The following ADAMTSL3 variants were observed in gnomAD, a reference collection of about 807,000 sequenced individuals.
ADAMTSL3 encodes the protein ADAMTS like 3.
ADAMTSL3 carries 128 observed loss-of-function variants against 201.7 expected under a neutral mutation model. The observed-to-expected ratio is 0.63, with a 90% CI of 0.55 to 0.73. The LOEUF (loss-of-function observed/expected upper bound fraction) is 0.73. ADAMTSL3 is among the 30% of genes least tolerant of loss of function. ADAMTSL3 has a pLI of 0.00. For missense variants in ADAMTSL3, 1,990 were observed against 2,119.6 expected (o/e 0.94, Z 1.20); for synonymous variants, 738 against 748.4 (o/e 0.99, Z 0.23).
At chr15:83,890,468 A>T (rs1344561047) in intron 11 of ADAMTSL3, among the ~76,000 whole-genome samples, 1 of 152,196 alleles carries the variant, frequency 6.6e-6, no homozygotes, top group East Asian at 1.9e-4. Context: ...TGTGTTCCTA[A>T]GTTTTTTTAT....
At chr15:83,971,360 A>G (rs1043504928) in intron 20 of ADAMTSL3, among the ~76,000 whole-genome samples, 3 of 152,096 alleles carry the variant, frequency 2.0e-5, no homozygotes, top group African/African-American at 7.2e-5. Context: ...GATCAAGACC[A>G]TCCTGGCTAA....
At chr15:83,941,934 T>A (rs2066568889) in intron 17 of ADAMTSL3, among the ~76,000 whole-genome samples, 1 of 152,244 alleles carries the variant, frequency 6.6e-6, no homozygotes. Context: ...CTCAATGATA[T>A]TCTCCAATGT....
chr15:83,858,435 C>T (rs548882485), intron 7 of ADAMTSL3, among the ~76,000 whole-genome samples: 164 of 152,244 alleles, frequency 1.1e-3, no homozygotes, highest in Middle Eastern at 3.4e-3. Flanking sequence ...TCCAGTGGCA[C>T]GTTCTCAGCT....
intron 3 of ADAMTSL3, among the ~76,000 whole-genome samples, chr15:83,716,877 T>C (rs986472719): frequency 7.9e-5 from 12 of 152,208 alleles, no homozygotes; most frequent in African/African-American, 2.9e-4. Flanking sequence ...TGGGATTTAA[T>C]GCTAACAGGG....
intron 2 of ADAMTSL3, among the ~76,000 whole-genome samples, chr15:83,668,583 C>A (rs1775718691): frequency 6.6e-6 from 1 of 151,956 alleles, no homozygotes; most frequent in African/African-American, 2.4e-5. Context: ...TTTTGCTATT[C>A]TTTTCCTAAG....
chr15:83,810,049 G>C (rs753787158), intron 5 of ADAMTSL3, among the ~76,000 whole-genome samples: 2 of 152,076 alleles, frequency 1.3e-5, no homozygotes, highest in Non-Finnish European at 2.9e-5. Context: ...TTCTATCAAC[G>C]ATGAAGCTGA....
Position 83,773,535 on chromosome 15 carries a change from A to G in ADAMTSL3, c.202A>G (p.Thr68Ala), listed in dbSNP as rs2063021071. 6.2e-7 allele frequency: 1 copy of G among 1,613,604 alleles called. No individual in the cohort carries two copies. The highest frequency in any genetic ancestry group is 1.7e-5 in the Admixed American group (1 of 59,972). Residue 68 changes from threonine (T) to alanine (A), a missense_variant, in exon 4 of 30, where the codon ACT (threonine) becomes GCT (alanine). Transcript: ENST00000286744. ...YRYDDQTSRN[T>A]RSDEDKDGNW... is the part of the protein sequence containing the mutation. ...TTTTAACATCTAGACCTCAAGAAAC[A>G]CTCGTTCAGATGAAGACAAAGATGG...
chr15:83,768,775 T>C (rs75915323), intron 3 of ADAMTSL3, among the ~76,000 whole-genome samples: 15,660 of 152,272 alleles, frequency 0.1, 962 homozygotes, highest in Admixed American at 0.19. Flanking sequence ...TATTTCTGAA[T>C]GTCTGTGTTA....
chr15:83,673,327 G>A (rs956014120), intron 2 of ADAMTSL3, among the ~76,000 whole-genome samples: 1 of 152,198 alleles, frequency 6.6e-6, no homozygotes, highest in Non-Finnish European at 1.5e-5. Context: ...ATTGATAAAC[G>A]AATAGACAGG....
chr15:83,850,458 G>A (rs1596313035), intron 7 of ADAMTSL3, among the ~76,000 whole-genome samples: 1 of 150,260 alleles, frequency 6.7e-6, no homozygotes, highest in African/African-American at 2.4e-5. Context: ...ATATGTGTAT[G>A]TTTATATATG....
intron 3 of ADAMTSL3, among the ~76,000 whole-genome samples, chr15:83,736,380 A>C (rs1175343099): frequency 1.3e-5 from 2 of 152,248 alleles, no homozygotes; most frequent in Non-Finnish European, 2.9e-5. Flanking sequence ...ACTTCATCGC[A>C]TATGGCAAAT....
chr15:83,808,108 AG>A (rs1470185068), intron 5 of ADAMTSL3, among the ~76,000 whole-genome samples: 1 of 152,204 alleles, frequency 6.6e-6, no homozygotes, highest in Non-Finnish European at 1.5e-5. Context: ...TCAAAAGCAC[AG>A]ACAATAAAAG....
chr15:83,714,203 G>C (rs1191814902), intron 3 of ADAMTSL3, among the ~76,000 whole-genome samples: 1 of 152,122 alleles, frequency 6.6e-6, no homozygotes, highest in South Asian at 2.1e-4. Context: ...CTATCTTCTA[G>C]CTTGGACTTT....
rs576824510 is a variant in ADAMTSL3 at position 83,654,319 on chromosome 15, G to C, written c.-34+43G>C. 77 of 151,796 alleles carry C rather than the reference G, an allele frequency of 5.1e-4. No homozygotes were observed. The highest frequency in any genetic ancestry group is 1.8e-3 in the African/African-American group (76 of 41,514). 9.4% of individuals were successfully genotyped at this position (151,796 alleles called of 1,614,324 possible). A position where few individuals can be genotyped will look rare whatever the true frequency, so the allele number is the denominator to read the frequency against. ...GGCGCAGGGCGGCCCCTCAGGGGTC[G>C]GGGGAAGGCGCTCCCCAGAGGGAGT... On this transcript the variant is annotated intron_variant, in intron 1 of 29. Coordinates refer to ENST00000286744, the MANE Select transcript of ADAMTSL3 (RefSeq NM_207517.3). The surrounding 1 kb of genome is among the most constrained non-coding windows in gnomAD (Gnocchi z 5.3).
intron 15 of ADAMTSL3, among the ~76,000 whole-genome samples, chr15:83,907,817 G>A (rs2065868073): frequency 6.6e-6 from 1 of 152,126 alleles, no homozygotes; most frequent in South Asian, 2.1e-4. Flanking sequence ...CTTTACTGTT[G>A]TGAATAGTGC....
intron 2 of ADAMTSL3, among the ~76,000 whole-genome samples, chr15:83,685,773 T>C (rs2061528062): frequency 6.6e-6 from 1 of 152,064 alleles, no homozygotes. Flanking sequence ...TTGTGCAGGG[T>C]TGATGTGAGA....
intron 3 of ADAMTSL3, among the ~76,000 whole-genome samples, chr15:83,753,006 T>C (rs1293531266): frequency 6.6e-6 from 1 of 152,218 alleles, no homozygotes; most frequent in African/African-American, 2.4e-5. Flanking sequence ...TATTGCCTGC[T>C]TGCAATCATG....
At chr15:83,905,666 AT>A (rs1015828629) in intron 15 of ADAMTSL3, among the ~76,000 whole-genome samples, 1 of 152,226 alleles carries the variant, frequency 6.6e-6, no homozygotes, top group African/African-American at 2.4e-5. Flanking sequence ...TCTGCAGTTT[AT>A]TTCCAATTAT....
intron 3 of ADAMTSL3, among the ~76,000 whole-genome samples, chr15:83,734,595 T>G (rs1440047030): frequency 6.6e-6 from 1 of 152,200 alleles, no homozygotes; most frequent in African/African-American, 2.4e-5. Flanking sequence ...GCTGCCCTGC[T>G]GACTCACACC....
Sources: gnomAD v4.1 joint callset for allele counts (sites outside exome capture counted in the v4.1 genomes callset) on GRCh38, gnomAD v4.1.1 for gene constraint, Gnocchi (gnomAD v3.1) non-coding constraint, MANE v1.5 for transcripts, NCBI Gene and HGNC (gene_info 2026-07-23, HGNC 2026-07-21) for gene names.